Variants in IPP observed in about 807,000 individuals in gnomAD.
The protein encoded by IPP is intracisternal A particle-promoted polypeptide.
IPP carries 41 observed loss-of-function variants against 64.1 expected under a neutral mutation model. The ratio of observed to expected loss-of-function variants is 0.64; its 90% CI spans 0.50 to 0.83. The LOEUF is 0.83. Ranked by LOEUF, IPP falls within the 40% of genes least tolerant of loss-of-function variation. IPP has a pLI of 0.00. For synonymous variants in IPP, 214 were observed against 235.2 expected (o/e 0.91, Z 0.83); for missense variants, 649 against 703.0 (o/e 0.92, Z 0.87).
chr1:45,709,406 C>T (rs1392634589), intron 8 of IPP, among the ~76,000 whole-genome samples: 3 of 124,002 alleles, frequency 2.4e-5, no homozygotes, highest in East Asian at 4.9e-4. Context: ...GCACTCCAGC[C>T]TGGGCGACAG....
chr1:45,708,250 G>C (rs570123577), intron 8 of IPP, among the ~76,000 whole-genome samples: 1 of 151,550 alleles, frequency 6.6e-6, no homozygotes, highest in African/African-American at 2.4e-5. Context: ...ACTTTTAGCA[G>C]AGACAGGGTT....
intron 1 of IPP, among the ~76,000 whole-genome samples, chr1:45,749,349 T>C (rs555140903): frequency 5.3e-5 from 8 of 152,046 alleles, no homozygotes; most frequent in Non-Finnish European, 7.4e-5. Flanking sequence ...TGACCATATT[T>C]CCAAAGGAAA....
At chr1:45,748,751 C>A (rs1048736177) in intron 1 of IPP, among the ~76,000 whole-genome samples, 7 of 152,216 alleles carry the variant, frequency 4.6e-5, no homozygotes, top group African/African-American at 7.2e-5. Context: ...GCGGGTGGAT[C>A]ACCAGAGGTC....
intron 3 of IPP, among the ~76,000 whole-genome samples, chr1:45,735,607 C>G (rs1411195584): frequency 6.8e-6 from 1 of 147,092 alleles, no homozygotes; most frequent in Non-Finnish European, 1.5e-5. Flanking sequence ...ATGCAAGCAC[C>G]ACCAGACCTG....
downstream of IPP, among the ~76,000 whole-genome samples, chr1:45,695,588 T>G (rs2148541982): frequency 6.6e-6 from 1 of 151,668 alleles, no homozygotes; most frequent in Non-Finnish European, 1.5e-5. Flanking sequence ...AAATTCCTAG[T>G]CTCACCAAAA....
intron 2 of IPP, among the ~76,000 whole-genome samples, chr1:45,741,829 C>T (rs1464854122): frequency 3.5e-5 from 3 of 85,392 alleles, no homozygotes; most frequent in African/African-American, 1.2e-4. Context: ...GGGGTTTCAC[C>T]GTGTTAGCCA....
Position 45,700,116 on chromosome 1 carries a change from C to T in IPP, c.1605G>A (p.Leu535=). 6.2e-7 allele frequency: 1 copy of T among 1,613,936 alleles called. No homozygotes were observed. Among genetic ancestry groups the T allele is most frequent in the Middle Eastern group, 1.6e-4 (1 of 6,062 alleles). Residue 535 remains leucine (L), a synonymous_variant, in exon 9 of 9, where the codon CTG becomes CTA. Coordinates refer to ENST00000396478, the MANE Select transcript of IPP (RefSeq NM_005897.3). ...TGGAAGATCGACCTCCAGAAACATA[C>T]AGAAGACCATTGACTGCCACAACAC... ...GMCVVAVNGL[L]YVSGGRSSSH... is the part of the protein sequence containing the mutation.
At chr1:45,709,432 C>CAAA (rs71058701) in intron 8 of IPP, among the ~76,000 whole-genome samples, 14,282 of 65,926 alleles carry the variant, frequency 0.22, 2,133 homozygotes, top group Non-Finnish European at 0.27. Context: ...GACTCCGTCT[C>CAAA]AAAAAAAAAA....
In IPP at chr1:45,746,258, G is replaced by A. The variant is rs749551162; in HGVS notation, c.154C>T (p.Arg52Trp). 2.1e-5 allele frequency: 34 copies of A among 1,614,008 alleles called. No homozygotes were observed. Among genetic ancestry groups the A allele is most frequent in the Non-Finnish European group, 2.5e-5 (30 of 1,180,020 alleles). Residue 52 changes from arginine to tryptophan, a missense_variant, in exon 2 of 9, where the codon CGG becomes TGG. By Grantham distance (101) the Arg-to-Trp change is moderately radical. Coordinates refer to ENST00000396478, the MANE Select transcript of IPP (RefSeq NM_005897.3). ...GGACTGCTGGCAGCCAAAACCAGCC[G>A]ATGAGCTTTAAAACTTTCCTGTCCA... The part of the protein sequence containing the change: ...QVGQESFKAH[R>W]LVLAASSPYF...
At chr1:45,739,547 A>G in intron 3 of IPP, among the ~76,000 whole-genome samples, 1 of 149,428 alleles carries the variant, frequency 6.7e-6, no homozygotes, top group East Asian at 2.0e-4. Context: ...GAACCATTGC[A>G]CCTGGCCTAA....
At chr1:45,711,384 T>C (rs1309282144) in intron 8 of IPP, among the ~76,000 whole-genome samples, 2 of 151,854 alleles carry the variant, frequency 1.3e-5, no homozygotes, top group Non-Finnish European at 2.9e-5. Context: ...ATGTGCTGTC[T>C]AGAAGTGCAG....
intron 8 of IPP, among the ~76,000 whole-genome samples, chr1:45,705,411 A>T (rs751519414): frequency 1.3e-5 from 2 of 152,240 alleles, no homozygotes; most frequent in Non-Finnish European, 2.9e-5. Flanking sequence ...AAAAGGACAC[A>T]GGAGGGATTT....
rs879204295 is a variant in IPP, at chr1:45,740,845, G to A, written c.724+56C>T. 4.5e-6 allele frequency: 5 copies of A among 1,123,380 alleles called. No homozygotes were observed. In the South Asian group the frequency reaches 8.3e-5, roughly 19 times the overall value. 69.6% of individuals were successfully genotyped at this position (1,123,380 alleles called of 1,614,324 possible). The stretch of plus-strand genomic sequence containing the variant: ...AATGAAAACACTCTCCCACATTTCA[G>A]AGAACACATCACTGGATAATTAATC... On this transcript the variant is annotated intron_variant, in intron 3 of 8. Transcript: ENST00000396478.
intron 7 of IPP, 143 bp from the exon 8 acceptor site, chr1:45,714,609 C>T (rs1190657165): frequency 4.8e-6 from 3 of 622,706 alleles, no homozygotes; most frequent in Non-Finnish European, 8.4e-6. Flanking sequence ...AGAAAATCAA[C>T]TTTGTCAACT....
At chr1:45,738,517 A>G (rs779645458) in intron 3 of IPP, among the ~76,000 whole-genome samples, 16 of 152,034 alleles carry the variant, frequency 1.1e-4, no homozygotes, top group Non-Finnish European at 1.9e-4. Flanking sequence ...ATGAATCAAT[A>G]ATATATATTA....
intron 2 of IPP, among the ~76,000 whole-genome samples, chr1:45,744,154 TTC>T (rs765771063): frequency 6.6e-6 from 1 of 152,178 alleles, no homozygotes. Context: ...CACATAGTTT[TTC>T]TCTCTCTCTT....
At chr1:45,740,132 G>T (rs2148580582) in intron 3 of IPP, among the ~76,000 whole-genome samples, 1 of 152,306 alleles carries the variant, frequency 6.6e-6, no homozygotes, top group African/African-American at 2.4e-5. Flanking sequence ...AGAGCACAGG[G>T]TTGGGGGTAA....
chr1:45,716,994 CTA>C lies in IPP; in HGVS notation c.1208_1209del (p.Ile403ArgfsTer5). 6.2e-7 allele frequency: 1 copy of C among 1,612,978 alleles called. No individual in the cohort carries two copies. The highest frequency in any genetic ancestry group is 8.5e-7 in the Non-Finnish European group (1 of 1,179,476). ...YALGGWVGAEIGNTIERFDPD... is the reference protein window; with the variant it reads ...YALGGWVGAEXGNTIERFDPD... ...GGATCAAATCGTTCAATGGTGTTCCCTATCTCAGCTCCAACCCATCCACCTGT... is the reference window on the plus strand; with the variant it reads ...GGATCAAATCGTTCAATGGTGTTCCCTCTCAGCTCCAACCCATCCACCTGT... On this transcript the variant is annotated frameshift_variant, in exon 7 of 9. Transcript: ENST00000396478. LOFTEE classifies it high-confidence loss of function.
At chr1:45,707,282 G>T (rs1238936263) in intron 8 of IPP, among the ~76,000 whole-genome samples, 1 of 152,012 alleles carries the variant, frequency 6.6e-6, no homozygotes, top group South Asian at 2.1e-4. Context: ...AATTAGCCAG[G>T]CGTGGTGGTG....
Sources: allele counts gnomAD v4.1 joint callset (sites outside exome capture counted in the v4.1 genomes callset), GRCh38; gene constraint gnomAD v4.1.1; transcripts MANE v1.5; gene names NCBI Gene and HGNC (gene_info 2026-07-23, HGNC 2026-07-21).